The following NAALADL2 variants were observed in gnomAD, a reference collection of about 807,000 sequenced individuals.
NAALADL2 encodes the protein N-acetylated alpha-linked acidic dipeptidase like 2.
A neutral mutation model predicts 87.2 loss-of-function variants in NAALADL2; 76 were observed. That is an observed-to-expected ratio of 0.87 (90% CI 0.72 to 1.05). NAALADL2 has a LOEUF of 1.05. NAALADL2 is among the 50% of genes least tolerant of loss of function. The probability of loss-of-function intolerance (pLI) is 0.00; values close to 1 mark genes in which losing one functional copy is unlikely to be tolerated. For missense variants in NAALADL2, 1,089 were observed against 945.8 expected (o/e 1.15, Z -1.99); for synonymous variants, 354 against 331.0 (o/e 1.07, Z -0.75).
At chr3:175,670,434 A>G (rs1371884860) in intron 11 of NAALADL2, among the ~76,000 whole-genome samples, 3 of 147,608 alleles carry the variant, frequency 2.0e-5, no homozygotes, top group African/African-American at 5.0e-5. Flanking sequence ...ATATATTTAT[A>G]TTAAATTTAT....
At chr3:175,797,753 A>C (rs1753679186) in intron 13 of NAALADL2, among the ~76,000 whole-genome samples, 1 of 152,108 alleles carries the variant, frequency 6.6e-6, no homozygotes, top group Non-Finnish European at 1.5e-5. Flanking sequence ...TTTTAGTGAC[A>C]TTACATGGGA....
At chr3:175,514,584 C>T (rs1197115652) in intron 9 of NAALADL2, among the ~76,000 whole-genome samples, 3 of 152,080 alleles carry the variant, frequency 2.0e-5, no homozygotes, top group Non-Finnish European at 4.4e-5. Flanking sequence ...ATCCTCTCTT[C>T]CGGTTGGAAT....
At chr3:175,381,139 A>G (rs1456397880) in intron 5 of NAALADL2, among the ~76,000 whole-genome samples, 1 of 151,924 alleles carries the variant, frequency 6.6e-6, no homozygotes, top group Non-Finnish European at 1.5e-5. Flanking sequence ...GATTAATAAA[A>G]TATAATTTAG....
intron 3 of NAALADL2, chr3:175,235,216 T>A (rs1029579014): frequency 6.6e-6 from 1 of 152,176 alleles, no homozygotes; most frequent in Non-Finnish European, 1.5e-5. Context: ...CATTTAAAAT[T>A]ACTTTGCATA....
rs59878507 is a variant in NAALADL2, at chr3:175,677,985, G to A, written c.1896+50599G>A. Among the ~76,000 whole-genome samples the A allele has an allele frequency of 3.2e-3, 490 of 152,240 alleles. 3 individuals are homozygous for A. The highest frequency in any genetic ancestry group is 0.011 in the African/African-American group (454 of 41,548). On this transcript the variant is annotated intron_variant, in intron 11 of 13. Transcript: ENST00000454872. ...AAATTAGACTTGACTGAAAGACTTAGCCCTCTCAGGAATTTTATGGGAAAT... is the reference window on the plus strand; with the variant it reads ...AAATTAGACTTGACTGAAAGACTTAACCCTCTCAGGAATTTTATGGGAAAT...
At position 175,467,180 on chromosome 3, in the gene NAALADL2, G is replaced by A; in HGVS notation, c.1529G>A (p.Gly510Glu). The change falls in exon 8 of 14, where the codon GGA becomes GAA. Residue 510 changes from glycine (G) to glutamate (E), a missense_variant. Physicochemically the swap from Gly to Glu is moderately conservative, Grantham distance 98. Transcript: ENST00000454872. ...GGCAATATTGGCTCATATGAATGGG[G>A]AGAGGTAAAGCAAAATATACATTAA... ...AFGNIGSYEW[G>E]EDFKKVLQKN... 1 of 1,612,154 alleles carries A rather than the reference G, an allele frequency of 6.2e-7. No homozygotes were observed. Among genetic ancestry groups the A allele is most frequent in the Non-Finnish European group, 8.5e-7 (1 of 1,178,364 alleles).
chr3:175,493,392 T>C (rs1400664671), intron 9 of NAALADL2, among the ~76,000 whole-genome samples: 2 of 152,138 alleles, frequency 1.3e-5, no homozygotes, highest in Non-Finnish European at 2.9e-5. Flanking sequence ...GATCATCCAA[T>C]GCTATAAAAA....
chr3:174,679,535 T>A (rs376669284), intron 2 of NAALADL2, among the ~76,000 whole-genome samples: 10 of 152,300 alleles, frequency 6.6e-5, no homozygotes, highest in Admixed American at 2.0e-4. Context: ...GTATTTCTAT[T>A]GAATATTGCT....
At chr3:175,709,100 C>T (rs1484057932) in intron 11 of NAALADL2, among the ~76,000 whole-genome samples, 1 of 152,072 alleles carries the variant, frequency 6.6e-6, no homozygotes, top group Admixed American at 6.6e-5. Flanking sequence ...AAGATCTCCA[C>T]CAGTTCTACA....
chr3:174,469,350 C>T (rs549981961), intron 1 of NAALADL2, among the ~76,000 whole-genome samples: 5 of 150,502 alleles, frequency 3.3e-5, no homozygotes, highest in East Asian at 2.0e-4. Context: ...CTCAGCCTCC[C>T]GGGTTCAAGC....
chr3:174,476,970 A>T (rs1717253035), intron 1 of NAALADL2, among the ~76,000 whole-genome samples: 2 of 151,982 alleles, frequency 1.3e-5, no homozygotes, highest in Admixed American at 1.3e-4. Context: ...AGGTCTCTAA[A>T]TGTTTCCTGT....
chr3:175,710,284 G>C (rs1740348925), intron 11 of NAALADL2, among the ~76,000 whole-genome samples: 2 of 152,006 alleles, frequency 1.3e-5, no homozygotes, highest in African/African-American at 4.8e-5. Context: ...TAGGCTAGAT[G>C]TCAGACAGTT....
intron 13 of NAALADL2, among the ~76,000 whole-genome samples, chr3:175,790,413 T>C (rs1931163): frequency 0.38 from 57,976 of 151,994 alleles, 14,941 homozygotes; most frequent in African/African-American, 0.74. Context: ...GAATAAACAT[T>C]CTTTTATGTG....
intron 3 of NAALADL2, among the ~76,000 whole-genome samples, chr3:174,805,969 A>G (rs1579006978): frequency 6.6e-6 from 1 of 152,160 alleles, no homozygotes. Flanking sequence ...GTTCTTGACT[A>G]TGTGCTAGTG....
At chr3:175,695,041 G>C in intron 11 of NAALADL2, among the ~76,000 whole-genome samples, 1 of 150,630 alleles carries the variant, frequency 6.6e-6, no homozygotes, top group Non-Finnish European at 1.5e-5. Flanking sequence ...CTAATTTGAG[G>C]TGCTTGAGGA....
chr3:175,801,427 A>ATCTT (rs1157121221), intron 13 of NAALADL2, among the ~76,000 whole-genome samples: 3 of 152,070 alleles, frequency 2.0e-5, no homozygotes, highest in South Asian at 4.2e-4. Context: ...CTATACTCTG[A>ATCTT]TCTTACAAAA....
At position 174,568,289 on chromosome 3, in the gene NAALADL2, T is replaced by A. The variant is rs1038537223; in HGVS notation, c.-115+17652T>A. ...AAGATCACCATTACAGGTGATCTCATTATTATGAGACGTAATTTTTAGAAG... is the reference window on the plus strand; with the variant it reads ...AAGATCACCATTACAGGTGATCTCAATATTATGAGACGTAATTTTTAGAAG... On this transcript the variant is annotated intron_variant, in intron 2 of 3. Coordinates refer to the NAALADL2 transcript ENST00000434257. Among the ~76,000 whole-genome samples, 3 of 151,862 alleles carry A rather than the reference T, an allele frequency of 2.0e-5. No individual in the cohort carries two copies. The East Asian group carries it at 5.8e-4, about 29-fold the overall frequency.
intron 9 of NAALADL2, among the ~76,000 whole-genome samples, chr3:175,499,116 G>A (rs963921459): frequency 1.3e-5 from 2 of 151,988 alleles, no homozygotes; most frequent in Non-Finnish European, 2.9e-5. Flanking sequence ...TTAAAACTAG[G>A]TATTTGAGAT....
rs150286616 is a variant in NAALADL2 at position 174,966,323 on chromosome 3, T to C, written c.43+106873T>C. Among the ~76,000 whole-genome samples the C allele has an allele frequency of 1.2e-4, 19 of 152,306 alleles. 1 individual carries two copies. The South Asian group carries it at 1.9e-3, about 15-fold the overall frequency. Reference sequence around the variant, plus strand: ...CAATGATGGCAAACCACAAAATATTTTCCATGGTGCATTCACATGATCTGT... The same window carrying C: ...CAATGATGGCAAACCACAAAATATTCTCCATGGTGCATTCACATGATCTGT... On this transcript the variant is annotated intron_variant, in intron 1 of 13. Transcript: ENST00000454872.
Sources: gnomAD v4.1 joint callset for allele counts (sites outside exome capture counted in the v4.1 genomes callset) on GRCh38, gnomAD v4.1.1 for gene constraint, MANE v1.5 for transcripts, NCBI Gene and HGNC (gene_info 2026-07-23, HGNC 2026-07-21) for gene names.